APOBEC2: variants seen among roughly 807,000 people sequenced by gnomAD.
APOBEC2 encodes C->U-editing enzyme APOBEC-2.
In APOBEC2, 14 loss-of-function variants were observed where a neutral mutation model predicts 19.4. The ratio of observed to expected loss-of-function variants is 0.72; its 90% CI spans 0.48 to 1.13. APOBEC2 has a LOEUF of 1.13. Among genes scored for constraint, APOBEC2 ranks in the 50% most tolerant of loss-of-function variants. The pLI is 0.00. For synonymous variants in APOBEC2, 127 were observed against 112.1 expected (o/e 1.13, Z -0.84); for missense variants, 304 against 277.0 (o/e 1.10, Z -0.69).
At chr6:41,058,149 CCCCACACACACA>C (rs1762819749) in intron 1 of APOBEC2, among the ~76,000 whole-genome samples, 5 of 104,314 alleles carry the variant, frequency 4.8e-5, no homozygotes, top group African/African-American at 1.0e-4. Flanking sequence ...CACCACCCCA[CCCCACACACACA>C]CACACACACA....
chr6:41,063,625 C>T (rs1260987942), intron 2 of APOBEC2, among the ~76,000 whole-genome samples: 3 of 114,110 alleles, frequency 2.6e-5, no homozygotes, highest in Non-Finnish European at 5.0e-5. Flanking sequence ...ATTTGAATTG[C>T]TCATGTTTGT....
chr6:41,064,466 T>C lies in APOBEC2; in HGVS notation c.*387T>C, dbSNP rs1762931221. The C allele has an allele frequency of 6.6e-6, 1 of 152,208 alleles. No homozygotes were observed. The allele number at this position is 152,208 out of a possible 1,614,324, so 9.4% of individuals were successfully genotyped here. ...TGCATTTTATGTTAAGTTGGGTATT[T>C]TTTTAAAAAAAGAAAAACAGCAACA... is the stretch of plus-strand genomic sequence containing the variant. On this transcript the variant is annotated 3_prime_UTR_variant, in exon 3 of 3. Coordinates refer to ENST00000244669, the MANE Select transcript of APOBEC2 (RefSeq NM_006789.4).
rs900316992 is a variant in APOBEC2, at chr6:41,061,465, T to C, written c.269T>C (p.Leu90Pro). The change falls in exon 2 of 3, where the codon CTA becomes CCA. Residue 90 changes from leucine to proline, a missense_variant. By Grantham distance (98) the Leu-to-Pro change is moderately conservative. Transcript: ENST00000244669. ...GGQVQASRGY[L>P]EDEHAAAHAE... ...CAAGTGCAGGCATCTCGGGGATACC[T>C]AGAGGATGAGCATGCGGCTGCCCAT... The C allele has an allele frequency of 1.9e-6, 3 of 1,613,842 alleles. No homozygotes were observed. The highest frequency in any genetic ancestry group is 1.7e-4 in the Middle Eastern group (1 of 6,060).
At chr6:41,062,795 T>A (rs1051030952) in intron 2 of APOBEC2, among the ~76,000 whole-genome samples, 6 of 152,170 alleles carry the variant, frequency 3.9e-5, no homozygotes, top group African/African-American at 1.4e-4. Context: ...CTAATTACCC[T>A]CAGGAAAGAG....
intron 1 of APOBEC2, among the ~76,000 whole-genome samples, chr6:41,060,291 T>C (rs948684178): frequency 2.0e-5 from 3 of 152,212 alleles, no homozygotes; most frequent in African/African-American, 7.2e-5. Flanking sequence ...ATTTGAGGCT[T>C]TTCCTCAGCT....
At chr6:41,061,964 G>A in intron 2 of APOBEC2, 72 bp downstream of exon 2, 1 of 1,360,552 alleles carries the variant, frequency 7.3e-7, no homozygotes, top group African/African-American at 1.5e-5. Flanking sequence ...AGGTCAGGTA[G>A]AATCTGTGAT....
At chr6:41,058,932 T>A (rs1457888407) in intron 1 of APOBEC2, among the ~76,000 whole-genome samples, 1 of 152,008 alleles carries the variant, frequency 6.6e-6, no homozygotes, top group Admixed American at 6.6e-5. Flanking sequence ...AGGGACAGAG[T>A]AGATTCTAGG....
intron 2 of APOBEC2, among the ~76,000 whole-genome samples, 178 bp downstream of exon 2, chr6:41,062,070 A>T (rs185372820): frequency 5.3e-5 from 8 of 152,242 alleles, no homozygotes; most frequent in Non-Finnish European, 1.0e-4. Context: ...ATCCCTCTCT[A>T]AACTTTTCCC....
At chr6:41,060,652 T>TG (rs1762858625) in intron 1 of APOBEC2, among the ~76,000 whole-genome samples, 1 of 152,220 alleles carries the variant, frequency 6.6e-6, no homozygotes, top group African/African-American at 2.4e-5. Context: ...TAAAAATTCT[T>TG]GGACACTTAG....
In APOBEC2 at chr6:41,061,895, G is replaced by T; in HGVS notation, c.*21+3G>T. On this transcript the variant is annotated splice_donor_region_variant and intron_variant, in intron 2 of 2. Transcript: ENST00000244669. ...AGGGCAACTGGGCTTTGCCTCACGTGAGTTTTCCTGGTGCCATGGCACCAA... is the reference window on the plus strand; with the variant it reads ...AGGGCAACTGGGCTTTGCCTCACGTTAGTTTTCCTGGTGCCATGGCACCAA... The T allele has an allele frequency of 6.3e-7, 1 of 1,597,766 alleles. No homozygotes were observed. The highest frequency in any genetic ancestry group is 1.1e-5 in the South Asian group (1 of 89,480).
In APOBEC2 at chr6:41,061,705, A is replaced by AG; in HGVS notation, c.511dup (p.Glu171GlyfsTer5). 2 of 1,614,210 alleles carry AG rather than the reference A, an allele frequency of 1.2e-6. No individual in the cohort carries two copies. Among genetic ancestry groups the AG allele is most frequent in the Non-Finnish European group, 1.7e-6 (2 of 1,180,038 alleles). Reference sequence around the variant, plus strand: ...ATCCAGGCTGCTCTGAAGAAGCTGAAGGAGGCTGGCTGTAAACTGCGCATC... The same window carrying AG: ...ATCCAGGCTGCTCTGAAGAAGCTGAAGGGAGGCTGGCTGTAAACTGCGCATC... On this transcript the variant is annotated frameshift_variant, in exon 2 of 3. Transcript: ENST00000244669. LOFTEE classifies it high-confidence loss of function.
rs1309122877 is a variant in APOBEC2 at position 41,061,538 on chromosome 6, C to T, written c.342C>T (p.Ala114=). 19 of 1,614,078 alleles carry T rather than the reference C, an allele frequency of 1.2e-5. No homozygotes were observed. Among genetic ancestry groups the T allele is most frequent in the African/African-American group, 4.0e-5 (3 of 74,932 alleles). Residue 114 remains alanine (A), a synonymous_variant, in exon 2 of 3, where the codon GCC becomes GCT. Transcript: ENST00000244669. ...FNTILPAFDP[A]LRYNVTWYVS... ...CCATCCTGCCAGCCTTCGACCCAGC[C>T]CTGCGGTACAATGTCACCTGGTATG... is the stretch of plus-strand genomic sequence containing the variant.
intron 1 of APOBEC2, among the ~76,000 whole-genome samples, chr6:41,060,179 T>G (rs1032535033): frequency 1.3e-5 from 2 of 152,114 alleles, no homozygotes; most frequent in Non-Finnish European, 2.9e-5. Flanking sequence ...TCCTGGACTT[T>G]TCCTGCTGTT....
Position 41,061,358 on chromosome 6 carries a change from C to T in APOBEC2, c.162C>T (p.Phe54=). 2.6e-6 allele frequency: 4 copies of T among 1,532,780 alleles called. No homozygotes were observed. Among genetic ancestry groups the T allele is most frequent in the East Asian group, 2.3e-5 (1 of 44,092 alleles). The allele number at this position is 1,532,780 out of a possible 1,614,324, so 94.9% of individuals were successfully genotyped here. The change falls in exon 2 of 3, where the codon TTC becomes TTT. Residue 54 remains phenylalanine, a synonymous_variant. Transcript: ENST00000244669. ...GGCTGCCTGCCAACTTCTTTAAATT[C>T]CAGTTCCGGAATGTGGAGTACAGTT... ...GERLPANFFK[F]QFRNVEYSSG... is the part of the protein sequence containing the mutation.
rs773387831 is a variant in APOBEC2, at chr6:41,061,542, C to T, written c.346C>T (p.Arg116Trp). 22 of 1,614,078 alleles carry T rather than the reference C, an allele frequency of 1.4e-5. No homozygotes were observed. Among genetic ancestry groups the T allele is most frequent in the Middle Eastern group, 1.6e-4 (1 of 6,084 alleles). The part of the protein sequence containing the change: ...TILPAFDPAL[R>W]YNVTWYVSSS... ...CCTGCCAGCCTTCGACCCAGCCCTG[C>T]GGTACAATGTCACCTGGTATGTGTC... The change falls in exon 2 of 3, where the codon CGG becomes TGG. Residue 116 changes from arginine to tryptophan, a missense_variant. Transcript: ENST00000244669.
chr6:41,054,210 T>C (rs1440819976), intron 1 of APOBEC2, among the ~76,000 whole-genome samples: 1 of 152,234 alleles, frequency 6.6e-6, no homozygotes, highest in Non-Finnish European at 1.5e-5. Flanking sequence ...CTCTGTCTTA[T>C]CCAGATTATG....
At chr6:41,059,880 ATAG>A (rs1215089994) in intron 1 of APOBEC2, among the ~76,000 whole-genome samples, 6 of 152,200 alleles carry the variant, frequency 3.9e-5, no homozygotes, top group Non-Finnish European at 4.4e-5. Context: ...GAGACAGGCA[ATAG>A]TAGAATTAAT....
Position 41,064,588 on chromosome 6 carries a change from G to A in APOBEC2, c.*509G>A, listed in dbSNP as rs896932330. On this transcript the variant is annotated 3_prime_UTR_variant, in exon 3 of 3. Transcript: ENST00000244669. ...AGACAAGCGAGCTAGTCCAGACACA[G>A]GGACACTCCAGGCTATGAACCAAGC... The A allele has an allele frequency of 2.0e-5, 3 of 152,156 alleles. No homozygotes were observed. The highest frequency in any genetic ancestry group is 7.2e-5 in the African/African-American group (3 of 41,430). The allele number at this position is 152,156 out of a possible 1,614,324, so 9.4% of individuals were successfully genotyped here.
intron 1 of APOBEC2, among the ~76,000 whole-genome samples, chr6:41,060,800 T>C (rs551319929): frequency 4.3e-4 from 66 of 152,370 alleles, no homozygotes; most frequent in African/African-American, 1.6e-3. Flanking sequence ...GAAAAAAGCA[T>C]AAAATGCTCT....
Sources: gnomAD v4.1 joint callset for allele counts (sites outside exome capture counted in the v4.1 genomes callset) on GRCh38, gnomAD v4.1.1 for gene constraint, MANE v1.5 for transcripts, NCBI Gene and HGNC (gene_info 2026-07-23, HGNC 2026-07-21) for gene names.